The following TFDP2 variants were observed in gnomAD, a reference collection of about 807,000 sequenced individuals.
TFDP2 encodes transcription factor Dp-2 (E2F dimerization partner 2).
TFDP2 carries 17 observed loss-of-function variants against 59.3 expected under a neutral mutation model. That is an observed-to-expected ratio of 0.29 (90% CI 0.20 to 0.43). The LOEUF is 0.43. TFDP2 is among the 20% of genes least tolerant of loss of function. TFDP2 has a pLI of 1.00. For synonymous variants in TFDP2, 180 were observed against 194.7 expected, an observed-to-expected ratio of 0.92 and a Z score of 0.63; for missense variants, 391 against 528.8, an observed-to-expected ratio of 0.74 and a Z score of 2.56.
chr3:142,048,516 T>C (rs540919871), intron 3 of TFDP2, among the ~76,000 whole-genome samples: 57 of 152,220 alleles, frequency 3.7e-4, no homozygotes, highest in African/African-American at 1.3e-3. Context: ...ATTAATAAAA[T>C]ATTTCTAAAG....
chr3:142,024,272 C>G (rs1005002939), intron 3 of TFDP2, among the ~76,000 whole-genome samples: 3 of 152,158 alleles, frequency 2.0e-5, no homozygotes, highest in African/African-American at 7.2e-5. Flanking sequence ...TAGTCTCCAG[C>G]TTTAGAGTTA....
chr3:141,997,574 G>A (rs1943383674), intron 4 of TFDP2, among the ~76,000 whole-genome samples: 1 of 152,040 alleles, frequency 6.6e-6, no homozygotes, highest in Admixed American at 6.6e-5. Context: ...AAGGAGCTGG[G>A]CATGGTGGCT....
intron 2 of TFDP2, among the ~76,000 whole-genome samples, chr3:142,094,238 T>C (rs1268348925): frequency 6.6e-6 from 1 of 152,156 alleles, no homozygotes; most frequent in African/African-American, 2.4e-5. Context: ...CCTTGAAACA[T>C]TACAATTTTG....
At chr3:142,082,130 G>C (rs1047415518) in intron 3 of TFDP2, among the ~76,000 whole-genome samples, 12 of 152,118 alleles carry the variant, frequency 7.9e-5, no homozygotes, top group Admixed American at 3.3e-4. Flanking sequence ...CACGACATTA[G>C]AGTCTCACAG....
rs1007769326 is a variant in TFDP2, at chr3:141,945,094, G to C, written c.*7419C>G. The C allele has an allele frequency of 1.3e-5, 2 of 152,154 alleles. No homozygotes were observed. Among genetic ancestry groups the C allele is most frequent in the African/African-American group, 2.4e-5 (1 of 41,446 alleles). 9.4% of individuals were successfully genotyped at this position (152,154 alleles called of 1,614,324 possible). A position where few individuals can be genotyped will look rare whatever the true frequency, so the allele number is the denominator to read the frequency against. On this transcript the variant is annotated 3_prime_UTR_variant, in exon 13 of 13. Coordinates refer to ENST00000489671, the MANE Select transcript of TFDP2 (RefSeq NM_001178139.2). ...GAGTAAAGCATTTTCAGATGAAAAG[G>C]TGAACAACCTAGTGGTTTGGGCTCA...
intron 3 of TFDP2, among the ~76,000 whole-genome samples, chr3:142,042,630 CTT>C (rs66981475): frequency 0.17 from 18,396 of 108,330 alleles, 2,249 homozygotes; most frequent in African/African-American, 0.38. Flanking sequence ...CTTTTCTTTT[CTT>C]TTTTTTTTTT....
rs1486982667 is a variant in TFDP2 at position 141,950,754 on chromosome 3, T to G, written c.*1759A>C. The G allele has an allele frequency of 2.6e-5, 4 of 152,566 alleles. No individual in the cohort carries two copies. Among genetic ancestry groups the G allele is most frequent in the Non-Finnish European group, 5.9e-5 (4 of 68,020 alleles). 9.5% of individuals were successfully genotyped at this position (152,566 alleles called of 1,614,324 possible). ...AATCCCAATCCGTGCAGCTGAAAGA[T>G]TCCCTGCAGGCCCCTGGGGACCTGC... On this transcript the variant is annotated 3_prime_UTR_variant, in exon 13 of 13. Coordinates refer to ENST00000489671, the MANE Select transcript of TFDP2 (RefSeq NM_001178139.2).
intron 9 of TFDP2, among the ~76,000 whole-genome samples, chr3:141,966,561 G>T (rs1171341567): frequency 6.6e-6 from 1 of 151,716 alleles, no homozygotes; most frequent in African/African-American, 2.4e-5. Flanking sequence ...CACTTATTTT[G>T]AACTGACTTA....
In TFDP2 at chr3:141,967,413, C is replaced by T. The variant is rs550768276; in HGVS notation, c.732+2660G>A. ...GTTCAAGAGATTATCCTGCCTTAGC[C>T]TCCCAAGTAGCTGAGATTACAGGCA... On this transcript the variant is annotated intron_variant, in intron 9 of 12. Transcript: ENST00000489671. 7.6e-4 allele frequency among the ~76,000 whole-genome samples: 115 copies of T among 151,592 alleles called. 1 individual carries two copies. Among genetic ancestry groups the T allele is most frequent in the African/African-American group, 2.7e-3 (111 of 41,342 alleles).
intron 6 of TFDP2, among the ~76,000 whole-genome samples, chr3:141,983,989 GAAC>G (rs1941777745): frequency 6.6e-6 from 1 of 152,094 alleles, no homozygotes; most frequent in Admixed American, 6.5e-5. Context: ...CTGAAAGCAG[GAAC>G]AACAGATATT....
In TFDP2 at chr3:142,121,743, A is replaced by G. The variant is rs1228429613; in HGVS notation, c.-92-19902T>C. Reference sequence around the variant, plus strand: ...AGTTTAAAAAAGGCTCACACCTGTAATCCCAGCACTTCTGGGATGCTGAGG... The same window carrying G: ...AGTTTAAAAAAGGCTCACACCTGTAGTCCCAGCACTTCTGGGATGCTGAGG... On this transcript the variant is annotated intron_variant, in intron 1 of 12. Coordinates refer to ENST00000489671, the MANE Select transcript of TFDP2 (RefSeq NM_001178139.2). This position sits in a 1 kb window ranked among gnomAD's most constrained non-coding sequence, Gnocchi z 4.3. 1.3e-5 allele frequency among the ~76,000 whole-genome samples: 2 copies of G among 152,112 alleles called. No individual in the cohort carries two copies. The highest frequency in any genetic ancestry group is 2.9e-5 in the Non-Finnish European group (2 of 68,018).
intron 1 of TFDP2, among the ~76,000 whole-genome samples, chr3:142,128,835 A>C (rs2062378319): frequency 6.6e-6 from 1 of 152,086 alleles, no homozygotes; most frequent in Admixed American, 6.6e-5. Flanking sequence ...TCTTCCATCC[A>C]GGAGGTCCAA....
At chr3:142,083,473 T>C (rs754235595) in intron 3 of TFDP2, among the ~76,000 whole-genome samples, 1 of 152,072 alleles carries the variant, frequency 6.6e-6, no homozygotes, top group Non-Finnish European at 1.5e-5. Flanking sequence ...AAAATACCAA[T>C]GACATTCTTC....
intron 3 of TFDP2, among the ~76,000 whole-genome samples, chr3:142,083,946 A>G (rs546416074): frequency 1.3e-5 from 2 of 152,342 alleles, no homozygotes; most frequent in African/African-American, 4.8e-5. Context: ...TGGTCTGGGC[A>G]AGAATTTCTT....
intron 6 of TFDP2, among the ~76,000 whole-genome samples, chr3:141,990,663 C>T (rs61397493): frequency 0.074 from 11,303 of 151,988 alleles, 524 homozygotes; most frequent in Non-Finnish European, 0.11. Context: ...CAAATTTTGA[C>T]GTTATTTGGA....
chr3:141,990,252 G>A (rs1283907369), intron 6 of TFDP2, among the ~76,000 whole-genome samples: 1 of 151,782 alleles, frequency 6.6e-6, no homozygotes, highest in African/African-American at 2.4e-5. Context: ...GCATGAGGGA[G>A]GTAGGGAGTA....
rs116282119 is a variant in TFDP2 at position 142,102,753 on chromosome 3, C to T, written c.-92-912G>A. On this transcript the variant is annotated intron_variant, in intron 1 of 12. Coordinates refer to ENST00000489671, the MANE Select transcript of TFDP2 (RefSeq NM_001178139.2). ...GCAAGCCAACATGTGTCTCTTCAAGCGCACTGAGATGGATACAGCATGAAT... is the reference window on the plus strand; with the variant it reads ...GCAAGCCAACATGTGTCTCTTCAAGTGCACTGAGATGGATACAGCATGAAT... 9.1e-4 allele frequency among the ~76,000 whole-genome samples: 139 copies of T among 152,270 alleles called. 1 individual carries two copies. Among genetic ancestry groups the T allele is most frequent in the African/African-American group, 3.2e-3 (132 of 41,554 alleles).
chr3:141,962,676 G>C (rs1937512064), intron 10 of TFDP2, among the ~76,000 whole-genome samples: 1 of 152,178 alleles, frequency 6.6e-6, no homozygotes. Flanking sequence ...TCTTTTGTGT[G>C]TGTGCCTTCT....
chr3:142,083,643 CA>C (rs1002580160), intron 3 of TFDP2, among the ~76,000 whole-genome samples: 1 of 151,918 alleles, frequency 6.6e-6, no homozygotes, highest in Non-Finnish European at 1.5e-5. Context: ...ATGATACTGG[CA>C]AAAAAACAGA....
Sources: allele counts gnomAD v4.1 joint callset (sites outside exome capture counted in the v4.1 genomes callset), GRCh38; gene constraint gnomAD v4.1.1; non-coding constraint Gnocchi (gnomAD v3.1); transcripts MANE v1.5; gene names NCBI Gene and HGNC (gene_info 2026-07-23, HGNC 2026-07-21).